The following BCAS3 variants were observed in gnomAD, a reference collection of about 807,000 sequenced individuals.
The protein encoded by BCAS3 is BCAS3 microtubule associated cell migration factor.
BCAS3 carries 53 observed loss-of-function variants against 116.1 expected under a neutral mutation model. The ratio of observed to expected loss-of-function variants is 0.46; its 90% CI spans 0.37 to 0.57. The LOEUF is 0.57. BCAS3 is among the 20% of genes least tolerant of loss of function. The pLI is 0.00. For synonymous variants in BCAS3, 391 were observed against 408.2 expected (o/e 0.96, Z 0.51); for missense variants, 917 against 1,165.4 (o/e 0.79, Z 3.10).
chr17:61,058,077 T>C (rs558187453), intron 19 of BCAS3, among the ~76,000 whole-genome samples: 16 of 152,296 alleles, frequency 1.1e-4, no homozygotes, highest in African/African-American at 3.1e-4. Context: ...TTTGATAGTG[T>C]ATAAGCTCTT....
chr17:60,787,925 T>C (rs1290565368), intron 6 of BCAS3, among the ~76,000 whole-genome samples: 1 of 151,912 alleles, frequency 6.6e-6, no homozygotes, highest in African/African-American at 2.4e-5. Flanking sequence ...ACCTTTTTTT[T>C]TTTTTAACTA....
intron 22 of BCAS3, among the ~76,000 whole-genome samples, chr17:61,176,231 C>A (rs1183911321): frequency 6.8e-6 from 1 of 148,116 alleles, no homozygotes; most frequent in East Asian, 1.9e-4. Context: ...AACTGTCAAC[C>A]TTATTTATAA....
rs192411149 is a variant in BCAS3 at position 61,214,926 on chromosome 17, T to C, written c.2425+130362T>C. Among the ~76,000 whole-genome samples, 35 of 152,290 alleles carry C rather than the reference T, an allele frequency of 2.3e-4. No homozygotes were observed. The highest frequency in any genetic ancestry group is 8.2e-4 in the African/African-American group (34 of 41,562). On this transcript the variant is annotated intron_variant, in intron 22 of 23. Transcript: ENST00000407086. This position sits in a 1 kb window ranked among gnomAD's most constrained non-coding sequence, Gnocchi z 4.4. ...GTTTCACTGCAGAAAATTTACCACT[T>C]GCATGTACTTACTGCATTGGTTTAC...
chr17:61,154,658 G>T (rs2077731515), intron 22 of BCAS3, among the ~76,000 whole-genome samples: 1 of 151,918 alleles, frequency 6.6e-6, no homozygotes, highest in Non-Finnish European at 1.5e-5. Flanking sequence ...GCCCAGGCTG[G>T]TCTCAAACTC....
In BCAS3 at chr17:61,228,753, C is replaced by T. The variant is rs772656398; in HGVS notation, c.2426-139574C>T. Among the ~76,000 whole-genome samples, 3 of 152,194 alleles carry T rather than the reference C, an allele frequency of 2.0e-5. No individual in the cohort carries two copies. The highest frequency in any genetic ancestry group is 4.4e-5 in the Non-Finnish European group (3 of 68,040). On this transcript the variant is annotated intron_variant, in intron 22 of 23. Transcript: ENST00000407086. This position sits in a 1 kb window ranked among gnomAD's most constrained non-coding sequence, Gnocchi z 5.0. ...GTTCCTCCATCTCTCTGCCTTTCCG[C>T]AGGTCTCCTGATTCCATGAGCCACA...
chr17:61,275,198 A>T (rs2050667596), intron 22 of BCAS3, among the ~76,000 whole-genome samples: 1 of 152,234 alleles, frequency 6.6e-6, no homozygotes, highest in Non-Finnish European at 1.5e-5. Flanking sequence ...GAAGTTTAAC[A>T]GCATCAGAAC....
At chr17:61,169,589 A>C (rs2078717279) in intron 22 of BCAS3, among the ~76,000 whole-genome samples, 1 of 152,188 alleles carries the variant, frequency 6.6e-6, no homozygotes, top group South Asian at 2.1e-4. Context: ...TCATTTAAGG[A>C]TTCCTCAGTG....
At chr17:60,713,706 G>T (rs982157308) in intron 5 of BCAS3, among the ~76,000 whole-genome samples, 1 of 152,172 alleles carries the variant, frequency 6.6e-6, no homozygotes, top group African/African-American at 2.4e-5. Flanking sequence ...ATGTGTAAAG[G>T]TTATATGCAA....
At chr17:61,270,613 T>G (rs538129218) in intron 22 of BCAS3, among the ~76,000 whole-genome samples, 6 of 152,376 alleles carry the variant, frequency 3.9e-5, no homozygotes, top group African/African-American at 1.4e-4. Flanking sequence ...ATTTGTCTAC[T>G]TTTGCTTTCA....
At chr17:60,786,350 A>G (rs1233489752) in intron 6 of BCAS3, among the ~76,000 whole-genome samples, 5 of 151,996 alleles carry the variant, frequency 3.3e-5, no homozygotes, top group African/African-American at 7.3e-5. Flanking sequence ...TTTGAAAAAG[A>G]AAGAAAGAAA....
chr17:61,391,860 C>T lies in BCAS3; in HGVS notation c.2594-117C>T, dbSNP rs2060148455. The T allele has an allele frequency of 7.9e-6, 9 of 1,132,090 alleles. No individual in the cohort carries two copies. The highest frequency in any genetic ancestry group is 2.1e-5 in the Admixed American group (1 of 47,178). 70.1% of individuals were successfully genotyped at this position (1,132,090 alleles called of 1,614,324 possible). A position where few individuals can be genotyped will look rare whatever the true frequency, so the allele number is the denominator to read the frequency against. On this transcript the variant is annotated intron_variant, in intron 23 of 23. Coordinates refer to ENST00000407086, the MANE Select transcript of BCAS3 (RefSeq NM_017679.5). The surrounding 1 kb of genome is among the most constrained non-coding windows in gnomAD (Gnocchi z 7.7). ...CAGGGAGCAGGCGGGGATCCCCCTGCGGAAGGACACAAGTGAACCCAGAAT... is the reference window on the plus strand; with the variant it reads ...CAGGGAGCAGGCGGGGATCCCCCTGTGGAAGGACACAAGTGAACCCAGAAT...
chr17:60,703,592 G>C (rs2036706385), intron 4 of BCAS3, among the ~76,000 whole-genome samples: 1 of 150,562 alleles, frequency 6.6e-6, no homozygotes, highest in Non-Finnish European at 1.5e-5. Flanking sequence ...AATAAATGCA[G>C]CTTTTACATG....
intron 22 of BCAS3, among the ~76,000 whole-genome samples, chr17:61,110,481 C>T (rs889906544): frequency 4.3e-4 from 65 of 152,330 alleles, no homozygotes; most frequent in Middle Eastern, 3.4e-3. Context: ...AAAGGGGTGA[C>T]GGACGCACCT....
At chr17:60,744,748 A>C in intron 5 of BCAS3, among the ~76,000 whole-genome samples, 1 of 150,210 alleles carries the variant, frequency 6.7e-6, no homozygotes, top group Non-Finnish European at 1.5e-5. Flanking sequence ...AGGACCATAG[A>C]GGTAATGAAG....
rs574284834 is a variant in BCAS3, at chr17:61,337,694, G to A, written c.2426-30633G>A. 3.3e-5 allele frequency among the ~76,000 whole-genome samples: 5 copies of A among 151,352 alleles called. No homozygotes were observed. The highest frequency in any genetic ancestry group is 1.2e-4 in the African/African-American group (5 of 41,232). On this transcript the variant is annotated intron_variant, in intron 22 of 23. Coordinates refer to ENST00000407086, the MANE Select transcript of BCAS3 (RefSeq NM_017679.5). This position sits in a 1 kb window ranked among gnomAD's most constrained non-coding sequence, Gnocchi z 4.8. ...GTTTTTTTTTCCTTTTTCTTTTTGC[G>A]CTCACCCCTTAAAGGTCGTTTCTGA...
intron 13 of BCAS3, among the ~76,000 whole-genome samples, chr17:60,930,600 T>C (rs1474371474): frequency 6.6e-6 from 1 of 152,026 alleles, no homozygotes; most frequent in Non-Finnish European, 1.5e-5. Flanking sequence ...GGATTACAGG[T>C]GTGCGCCACT....
At chr17:60,969,298 A>G (rs936780789) in intron 14 of BCAS3, among the ~76,000 whole-genome samples, 2 of 152,220 alleles carry the variant, frequency 1.3e-5, no homozygotes, top group Non-Finnish European at 2.9e-5. Flanking sequence ...TATTATTACT[A>G]TGCTCAGTGA....
rs1420097368 is a variant in BCAS3, at chr17:61,363,282, AAGAT to A, written c.2426-5041_2426-5038del. Among the ~76,000 whole-genome samples the A allele has an allele frequency of 6.6e-6, 1 of 152,222 alleles. No individual in the cohort carries two copies. Among genetic ancestry groups the A allele is most frequent in the African/African-American group, 2.4e-5 (1 of 41,460 alleles). On this transcript the variant is annotated intron_variant, in intron 22 of 23. Transcript: ENST00000407086. This position sits in a 1 kb window ranked among gnomAD's most constrained non-coding sequence, Gnocchi z 4.9. ...TTAGCTTTCATCAACTTCACCTGGA[AAGAT>A]AGAGCACCTTTTATGCCGTTAGAGT...
intron 6 of BCAS3, among the ~76,000 whole-genome samples, chr17:60,784,683 C>T (rs543425898): frequency 2.1e-4 from 32 of 152,098 alleles, no homozygotes; most frequent in African/African-American, 7.2e-4. Flanking sequence ...GCAATCCTCC[C>T]ACCTCATTCT....
Sources: allele counts gnomAD v4.1 joint callset (sites outside exome capture counted in the v4.1 genomes callset), GRCh38; gene constraint gnomAD v4.1.1; non-coding constraint Gnocchi (gnomAD v3.1); transcripts MANE v1.5; gene names NCBI Gene and HGNC (gene_info 2026-07-23, HGNC 2026-07-21).